The following CDKN3 variants were observed in gnomAD, a reference collection of about 807,000 sequenced individuals.
The protein encoded by CDKN3 is cyclin-dependent kinase inhibitor 3.
Under a neutral mutation model 36.1 loss-of-function variants are expected in CDKN3, and 19 were observed. The observed-to-expected ratio is 0.53, with a 90% confidence interval of 0.37 to 0.77. The LOEUF (loss-of-function observed/expected upper bound fraction) is 0.77. CDKN3 is among the 30% of genes least tolerant of loss of function. CDKN3 has a pLI of 0.00. For missense variants in CDKN3, 188 were observed against 248.6 expected, an observed-to-expected ratio of 0.76 and a Z score of 1.64; for synonymous variants, 71 against 85.3, an observed-to-expected ratio of 0.83 and a Z score of 0.92.
At chr14:54,398,245 C>G (rs1884014) in intron 1 of CDKN3, among the ~76,000 whole-genome samples, 36,300 of 152,206 alleles carry the variant, frequency 0.24, 4,619 homozygotes, top group East Asian at 0.38. Flanking sequence ...GCATTAGGTG[C>G]TTACAATTGC....
At position 54,408,777 on chromosome 14, in the gene CDKN3, C is replaced by T. The variant is rs749422198; in HGVS notation, c.181C>T (p.Gln61Ter). The change falls in exon 4 of 8, where the codon CAA becomes TAA. Residue 61 changes from glutamine to a stop codon, truncating the protein, a stop_gained. Coordinates refer to ENST00000335183, the MANE Select transcript of CDKN3 (RefSeq NM_005192.4). LOFTEE classifies it high-confidence loss of function. ...ATTTAAAGATGTTAGAAGAAATGTC[C>T]AAAAAGATACAGGTAGGTATAATAT... ...CKFKDVRRNV[Q>*]KDTEELKSCG... 1 of 1,572,872 alleles carries T rather than the reference C, an allele frequency of 6.4e-7. No individual in the cohort carries two copies. The highest frequency in any genetic ancestry group is 8.6e-7 in the Non-Finnish European group (1 of 1,165,262).
In CDKN3 at chr14:54,408,802, T is replaced by G. The variant is rs771857695; in HGVS notation, c.193+13T>G. The G allele has an allele frequency of 5.8e-6, 9 of 1,563,936 alleles. No homozygotes were observed. The East Asian group carries it at 2.1e-4, about 36-fold the overall frequency. On this transcript the variant is annotated intron_variant, in intron 4 of 7. Transcript: ENST00000335183. The stretch of plus-strand genomic sequence containing the variant: ...CAAAAAGATACAGGTAGGTATAATA[T>G]CACGCAACCACACTCATGGGTTTTT...
Position 54,414,937 on chromosome 14 carries a change from G to A in CDKN3, c.417-962G>A, listed in dbSNP as rs73271034. Among the ~76,000 whole-genome samples the A allele has an allele frequency of 9.6e-3, 1,463 of 152,076 alleles. 19 individuals carry two copies. Among genetic ancestry groups the A allele is most frequent in the African/African-American group, 0.033 (1,383 of 41,446 alleles). ...AGCAAGTTCACGAGTAAGACTAGGG[G>A]TCAATACCTATTCAGTCCTCTATTT... is the stretch of plus-strand genomic sequence containing the variant. On this transcript the variant is annotated intron_variant, in intron 5 of 7. Transcript: ENST00000335183.
chr14:54,399,807 A>C, intron 1 of CDKN3, 87 bp from the exon 2 acceptor site: 7 of 743,610 alleles, frequency 9.4e-6, no homozygotes, highest in Non-Finnish European at 1.7e-5. Context: ...GCAAATATGA[A>C]TTCAGTGTGT....
intron 7 of CDKN3, among the ~76,000 whole-genome samples, chr14:54,419,079 AC>A (rs542908373): frequency 1.2e-3 from 183 of 151,960 alleles, no homozygotes; most frequent in African/African-American, 3.4e-3. Flanking sequence ...AATCACTTGA[AC>A]CTGGGAGGCA....
At chr14:54,408,873 G>T (rs1484566409) in intron 4 of CDKN3, 84 bp downstream of exon 4, 7 of 1,417,200 alleles carry the variant, frequency 4.9e-6, no homozygotes, top group African/African-American at 4.5e-5. Flanking sequence ...GAACAAATCA[G>T]TTTTTTTTTA....
chr14:54,416,816 CA>C (rs1433177964), intron 6 of CDKN3, among the ~76,000 whole-genome samples: 2 of 151,902 alleles, frequency 1.3e-5, no homozygotes, highest in Non-Finnish European at 2.9e-5. Context: ...TCGTCTCTCT[CA>C]AAAGAAAAAA....
chr14:54,404,362 T>C (rs2030071139), intron 3 of CDKN3, among the ~76,000 whole-genome samples: 1 of 152,176 alleles, frequency 6.6e-6, no homozygotes, highest in Admixed American at 6.5e-5. Flanking sequence ...TATTCTCTGA[T>C]GGTAGTTTGT....
chr14:54,413,519 C>A, intron 5 of CDKN3: 1 of 914,964 alleles, frequency 1.1e-6, no homozygotes, highest in Non-Finnish European at 1.7e-6. Flanking sequence ...ACAGGATAGA[C>A]AGTAGATGGG....
intron 1 of CDKN3, among the ~76,000 whole-genome samples, chr14:54,398,983 CTT>C (rs1330010723): frequency 1.1e-5 from 1 of 91,510 alleles, no homozygotes; most frequent in African/African-American, 3.8e-5. Context: ...CTTTTTTCTT[CTT>C]CCTTTTTTTT....
intron 5 of CDKN3, chr14:54,413,022 C>A: frequency 2.6e-6 from 1 of 386,864 alleles, no homozygotes; most frequent in Admixed American, 3.2e-5. Context: ...CCAACAGTGT[C>A]AGTTCTGAAG....
intron 6 of CDKN3, among the ~76,000 whole-genome samples, 173 bp downstream of exon 6, chr14:54,416,103 T>A (rs1470664950): frequency 6.6e-6 from 1 of 151,800 alleles, no homozygotes; most frequent in Non-Finnish European, 1.5e-5. Context: ...TGGGTGGGAG[T>A]GGGAGGTATT....
At chr14:54,409,220 T>C (rs1216260302) in intron 4 of CDKN3, among the ~76,000 whole-genome samples, 2 of 152,208 alleles carry the variant, frequency 1.3e-5, no homozygotes, top group East Asian at 3.9e-4. Context: ...AGAGCCAGCA[T>C]CTAGATGGAA....
intron 3 of CDKN3, among the ~76,000 whole-genome samples, chr14:54,403,213 T>C (rs2030028225): frequency 6.6e-6 from 1 of 152,204 alleles, no homozygotes; most frequent in African/African-American, 2.4e-5. Flanking sequence ...GTTTGTGTCC[T>C]CTCTTATTTC....
intron 3 of CDKN3, among the ~76,000 whole-genome samples, chr14:54,402,154 C>T (rs1185531838): frequency 6.7e-6 from 1 of 149,872 alleles, no homozygotes; most frequent in African/African-American, 2.5e-5. Flanking sequence ...TGCAGTGAGC[C>T]GAGATCGCAC....
chr14:54,409,964 G>T (rs1171874476), intron 4 of CDKN3, among the ~76,000 whole-genome samples: 7 of 151,598 alleles, frequency 4.6e-5, no homozygotes, highest in Non-Finnish European at 8.8e-5. Flanking sequence ...GACCCTTATA[G>T]TATTTATAAA....
chr14:54,414,383 T>C (rs966689055), intron 5 of CDKN3, among the ~76,000 whole-genome samples: 1 of 151,878 alleles, frequency 6.6e-6, no homozygotes, highest in African/African-American at 2.4e-5. Flanking sequence ...CACAGGAAAA[T>C]GATCCTTTCT....
chr14:54,416,615 G>A (rs1298208503), intron 6 of CDKN3, among the ~76,000 whole-genome samples: 1 of 152,128 alleles, frequency 6.6e-6, no homozygotes, highest in East Asian at 1.9e-4. Flanking sequence ...AGGAGTTTGA[G>A]AACAGCATGA....
chr14:54,408,881 TTA>T, intron 4 of CDKN3, 92 bp downstream of exon 4: 1 of 1,447,668 alleles, frequency 6.9e-7, no homozygotes, highest in Non-Finnish European at 9.1e-7. Flanking sequence ...CAGTTTTTTT[TTA>T]ATATAAAAAT....
Sources: allele counts gnomAD v4.1 joint callset (sites outside exome capture counted in the v4.1 genomes callset), GRCh38; gene constraint gnomAD v4.1.1; transcripts MANE v1.5; gene names NCBI Gene and HGNC (gene_info 2026-07-23, HGNC 2026-07-21).